B3GALT1: variants seen among roughly 807,000 people sequenced by gnomAD.
B3GALT1 encodes beta-1,3-galactosyltransferase 1.
In B3GALT1, 10 loss-of-function variants were observed where a neutral mutation model predicts 23.2. That is an observed-to-expected ratio of 0.43 (90% CI 0.27 to 0.73). The LOEUF is 0.73. Ranked by LOEUF, B3GALT1 falls within the 30% of genes least tolerant of loss-of-function variation. The pLI is 0.21. For synonymous variants in B3GALT1, 156 were observed against 141.5 expected, an observed-to-expected ratio of 1.10 and a Z score of -0.73; for missense variants, 299 against 405.4, an observed-to-expected ratio of 0.74 and a Z score of 2.25.
intron 2 of B3GALT1, among the ~76,000 whole-genome samples, chr2:167,608,041 G>A (rs918757995): frequency 4.6e-5 from 7 of 152,178 alleles, no homozygotes; most frequent in Non-Finnish European, 8.8e-5. Context: ...GACGATTTAT[G>A]CAACAGTGTT....
intron 3 of B3GALT1, among the ~76,000 whole-genome samples, chr2:167,774,485 GTTTTTT>G (rs767692581): frequency 9.5e-6 from 1 of 105,180 alleles, no homozygotes. Context: ...TTTTTTTTTT[GTTTTTT>G]TTTTTGTTTT....
intron 3 of B3GALT1, among the ~76,000 whole-genome samples, chr2:167,654,698 G>T (rs1392354034): frequency 6.6e-6 from 1 of 151,612 alleles, no homozygotes; most frequent in Non-Finnish European, 1.5e-5. Context: ...ATCTTGCTTT[G>T]TTGCCCAGGC....
chr2:167,305,975 C>T (rs992510984), intron 1 of B3GALT1, among the ~76,000 whole-genome samples: 1 of 152,040 alleles, frequency 6.6e-6, no homozygotes, highest in Non-Finnish European at 1.5e-5. Flanking sequence ...TTCAGATACT[C>T]TTTGGTGCAA....
At chr2:167,604,527 G>T (rs1684929705) in intron 2 of B3GALT1, among the ~76,000 whole-genome samples, 1 of 152,124 alleles carries the variant, frequency 6.6e-6, no homozygotes, top group Non-Finnish European at 1.5e-5. Context: ...GTGTACATTT[G>T]TAACCTGCAA....
chr2:167,847,664 G>A (rs1036922841), intron 4 of B3GALT1, among the ~76,000 whole-genome samples: 23 of 151,864 alleles, frequency 1.5e-4, no homozygotes, highest in African/African-American at 5.6e-4. Flanking sequence ...GACATTCTAA[G>A]GTCACACCTC....
chr2:167,569,940 C>G (rs1222348962), intron 2 of B3GALT1, among the ~76,000 whole-genome samples: 1 of 151,802 alleles, frequency 6.6e-6, no homozygotes, highest in Non-Finnish European at 1.5e-5. Context: ...TGTGATTTTT[C>G]TCTTTTAGCC....
At chr2:167,856,322 C>A (rs932182200) in intron 4 of B3GALT1, among the ~76,000 whole-genome samples, 20 of 152,082 alleles carry the variant, frequency 1.3e-4, no homozygotes, top group Admixed American at 3.3e-4. Context: ...TACATATATA[C>A]CATTTAAGAG....
At chr2:167,840,195 A>C (rs1574294693) in intron 4 of B3GALT1, among the ~76,000 whole-genome samples, 1 of 151,374 alleles carries the variant, frequency 6.6e-6, no homozygotes, top group African/African-American at 2.4e-5. Context: ...TAATTAAACT[A>C]AAGAGCTTCT....
At chr2:167,645,347 C>T (rs1685730205) in intron 2 of B3GALT1, among the ~76,000 whole-genome samples, 2 of 151,992 alleles carry the variant, frequency 1.3e-5, no homozygotes, top group African/African-American at 4.8e-5. Flanking sequence ...TCCAAAAAGT[C>T]ATTAATAGCT....
Position 167,621,031 on chromosome 2 carries a change from T to A in B3GALT1, c.-409-25878T>A, listed in dbSNP as rs1181087033. 7.9e-5 allele frequency among the ~76,000 whole-genome samples: 12 copies of A among 151,826 alleles called. No individual in the cohort carries two copies. In the South Asian group the frequency reaches 1.2e-3, roughly 16 times the overall value. On this transcript the variant is annotated intron_variant, in intron 2 of 4. Transcript: ENST00000392690. ...TAGAGAGTTTAGTATATTAAAATAC[T>A]TAATGCTAGCTGCAATTGGGATATT... is the stretch of plus-strand genomic sequence containing the variant.
chr2:167,450,533 A>G (rs142437008), intron 1 of B3GALT1, among the ~76,000 whole-genome samples: 26 of 152,282 alleles, frequency 1.7e-4, no homozygotes, highest in African/African-American at 6.3e-4. Context: ...CCAATCCCTT[A>G]TAGCTTGTAG....
chr2:167,468,215 A>G (rs533133812), intron 1 of B3GALT1, among the ~76,000 whole-genome samples: 1 of 152,278 alleles, frequency 6.6e-6, no homozygotes, highest in East Asian at 1.9e-4. Flanking sequence ...ATGATAAACA[A>G]TTTTTCAAAG....
chr2:167,771,111 A>G (rs946782301), intron 3 of B3GALT1, among the ~76,000 whole-genome samples: 1 of 152,174 alleles, frequency 6.6e-6, no homozygotes, highest in African/African-American at 2.4e-5. Flanking sequence ...TTCATAATTC[A>G]GTTCTTTGGG....
chr2:167,675,591 C>G (rs560298887), intron 3 of B3GALT1, among the ~76,000 whole-genome samples: 42 of 152,260 alleles, frequency 2.8e-4, no homozygotes, highest in African/African-American at 9.1e-4. Context: ...GGGAATTCAA[C>G]TGCTATGAGC....
chr2:167,596,669 A>ATT (rs34990426), intron 2 of B3GALT1, among the ~76,000 whole-genome samples: 2 of 151,416 alleles, frequency 1.3e-5, no homozygotes, highest in Non-Finnish European at 2.9e-5. Context: ...AAAATAGAGG[A>ATT]TTTTTTTTTG....
At chr2:167,555,861 A>C (rs1683838967) in intron 2 of B3GALT1, among the ~76,000 whole-genome samples, 2 of 152,168 alleles carry the variant, frequency 1.3e-5, no homozygotes, top group African/African-American at 2.4e-5. Flanking sequence ...GTATTGAATA[A>C]TCATCTGAGT....
chr2:167,455,660 A>T (rs2105322587), intron 1 of B3GALT1, among the ~76,000 whole-genome samples: 1 of 151,978 alleles, frequency 6.6e-6, no homozygotes, highest in Non-Finnish European at 1.5e-5. Flanking sequence ...TTACAGGCAC[A>T]CACCACCACA....
chr2:167,536,431 C>A (rs1460241295), intron 2 of B3GALT1, among the ~76,000 whole-genome samples: 2 of 152,114 alleles, frequency 1.3e-5, no homozygotes, highest in African/African-American at 2.4e-5. Flanking sequence ...AAGACAATTT[C>A]TTTTTATAAT....
At chr2:167,818,085 T>C (rs147208215) in intron 3 of B3GALT1, among the ~76,000 whole-genome samples, 2,331 of 152,320 alleles carry the variant, frequency 0.015, 27 homozygotes, top group Middle Eastern at 0.031. Flanking sequence ...CAGAAGACCT[T>C]AGGTAAAAGC....
Sources: allele counts gnomAD v4.1 joint callset (sites outside exome capture counted in the v4.1 genomes callset), GRCh38; gene constraint gnomAD v4.1.1; transcripts MANE v1.5; gene names NCBI Gene and HGNC (gene_info 2026-07-23, HGNC 2026-07-21).